Variants in SND1 observed in about 807,000 individuals in gnomAD.
SND1 encodes the protein staphylococcal nuclease domain-containing protein 1.
In SND1, 38 loss-of-function variants were observed where a neutral mutation model predicts 121.7. The observed-to-expected ratio is 0.31, with a 90% CI of 0.24 to 0.41. The LOEUF is 0.41. Ranked by LOEUF, SND1 falls within the 10% of genes least tolerant of loss-of-function variation. The pLI is 1.00. For missense variants in SND1, 868 were observed against 1,184.6 expected (o/e 0.73, Z 3.92); for synonymous variants, 401 against 447.4 (o/e 0.90, Z 1.31).
rs772182670 is a variant in SND1, at chr7:128,029,884, G to T, written c.1779+38828G>T. Reference sequence around the variant, plus strand: ...GCATTCCGCTCAATCAGGCTGACCTGTGAGTTCATGACCCAGAGCTTCTTG... The same window carrying T: ...GCATTCCGCTCAATCAGGCTGACCTTTGAGTTCATGACCCAGAGCTTCTTG... On this transcript the variant is annotated intron_variant, in intron 16 of 23. Coordinates refer to ENST00000354725, the MANE Select transcript of SND1 (RefSeq NM_014390.4). The surrounding 1 kb of genome is among the most constrained non-coding windows in gnomAD (Gnocchi z 4.2). 6.2e-7 allele frequency: 1 copy of T among 1,613,250 alleles called. No homozygotes were observed. The highest frequency in any genetic ancestry group is 1.3e-5 in the African/African-American group (1 of 74,934).
intron 14 of SND1, among the ~76,000 whole-genome samples, chr7:127,908,318 A>ATGTGTGTGTGTGTGTG: frequency 7.2e-6 from 1 of 138,484 alleles, no homozygotes; most frequent in South Asian, 2.4e-4. Flanking sequence ...ATAATAATAA[A>ATGTGTGTGTGTGTGTG]TGTGTGTGTG....
At chr7:127,772,784 T>G (rs935076411) in intron 10 of SND1, among the ~76,000 whole-genome samples, 1 of 152,210 alleles carries the variant, frequency 6.6e-6, no homozygotes, top group Non-Finnish European at 1.5e-5. Flanking sequence ...AACAGTGACA[T>G]TTGTTTGATA....
chr7:127,789,133 A>G (rs1254897439), intron 10 of SND1, among the ~76,000 whole-genome samples: 1 of 152,154 alleles, frequency 6.6e-6, no homozygotes, highest in Admixed American at 6.5e-5. Flanking sequence ...TCTGCCTACT[A>G]TCTACCCCTC....
intron 14 of SND1, among the ~76,000 whole-genome samples, chr7:127,918,474 A>G (rs1378402727): frequency 1.3e-5 from 2 of 152,212 alleles, no homozygotes; most frequent in East Asian, 3.8e-4. Flanking sequence ...TGAAAAGGAT[A>G]GAAATTATCT....
At chr7:127,888,224 A>G (rs1799947084) in intron 13 of SND1, among the ~76,000 whole-genome samples, 1 of 152,098 alleles carries the variant, frequency 6.6e-6, no homozygotes, top group Non-Finnish European at 1.5e-5. Context: ...ATTTTAAAAA[A>G]TATGTAAAAT....
intron 1 of SND1, among the ~76,000 whole-genome samples, chr7:127,661,741 G>A (rs1587575899): frequency 6.6e-6 from 1 of 152,218 alleles, no homozygotes; most frequent in South Asian, 2.1e-4. Context: ...ATGTCATCCA[G>A]TGTTAGTAAT....
At chr7:127,714,743 CA>C (rs904402600) in intron 9 of SND1, among the ~76,000 whole-genome samples, 1 of 152,204 alleles carries the variant, frequency 6.6e-6, no homozygotes, top group African/African-American at 2.4e-5. Flanking sequence ...TGAAATCAGA[CA>C]GTCTGTGTCT....
At chr7:127,942,439 C>A (rs1801234879) in intron 15 of SND1, among the ~76,000 whole-genome samples, 1 of 152,140 alleles carries the variant, frequency 6.6e-6, no homozygotes, top group Non-Finnish European at 1.5e-5. Context: ...AGAACTGAAT[C>A]AGAAATGCAC....
intron 10 of SND1, among the ~76,000 whole-genome samples, chr7:127,731,055 A>G (rs1268959349): frequency 6.6e-6 from 1 of 152,250 alleles, no homozygotes; most frequent in East Asian, 1.9e-4. Context: ...AACGACTGGC[A>G]TGCGGAAGCG....
chr7:127,776,222 G>A (rs1797618031), intron 10 of SND1, among the ~76,000 whole-genome samples: 1 of 152,118 alleles, frequency 6.6e-6, no homozygotes, highest in African/African-American at 2.4e-5. Context: ...ATGAGATGGG[G>A]CACCAATCAC....
Position 128,029,361 on chromosome 7 carries a change from G to A in SND1, c.1779+38305G>A. On this transcript the variant is annotated intron_variant, in intron 16 of 23. Coordinates refer to ENST00000354725, the MANE Select transcript of SND1 (RefSeq NM_014390.4). The surrounding 1 kb of genome is among the most constrained non-coding windows in gnomAD (Gnocchi z 4.2). ...GGCGTTGGAGTTGCCTGCAACATTG[G>A]TCACCATGCATGTGTACACCCCAGT... 6.2e-7 allele frequency: 1 copy of A among 1,614,184 alleles called. No individual in the cohort carries two copies. Among genetic ancestry groups the A allele is most frequent in the South Asian group, 1.1e-5 (1 of 91,084 alleles).
chr7:127,879,086 G>A (rs1417673906), intron 12 of SND1, among the ~76,000 whole-genome samples: 1 of 152,186 alleles, frequency 6.6e-6, no homozygotes, highest in Admixed American at 6.5e-5. Flanking sequence ...GAAGTTCCCT[G>A]TTAGTTTCTA....
intron 16 of SND1, among the ~76,000 whole-genome samples, chr7:128,054,671 T>A (rs1483794351): frequency 2.0e-5 from 3 of 152,194 alleles, no homozygotes; most frequent in Non-Finnish European, 2.9e-5. Flanking sequence ...GGCTCCTCTA[T>A]CCCCAGGCTG....
intron 15 of SND1, among the ~76,000 whole-genome samples, chr7:127,952,656 C>G (rs1221633545): frequency 6.6e-6 from 1 of 152,192 alleles, no homozygotes; most frequent in African/African-American, 2.4e-5. Flanking sequence ...GTGCTTGTAA[C>G]TCATTTTTGA....
intron 14 of SND1, among the ~76,000 whole-genome samples, chr7:127,927,857 G>C (rs921782239): frequency 5.9e-5 from 9 of 152,294 alleles, no homozygotes; most frequent in African/African-American, 2.2e-4. Flanking sequence ...TAGAAGAAGA[G>C]TCAAAAAGGA....
intron 14 of SND1, among the ~76,000 whole-genome samples, chr7:127,905,412 T>C (rs1241421597): frequency 6.6e-6 from 1 of 152,226 alleles, no homozygotes; most frequent in African/African-American, 2.4e-5. Flanking sequence ...TTTGAATGTT[T>C]AGGGTCTCTT....
chr7:127,663,271 G>A (rs1362011184), intron 1 of SND1, among the ~76,000 whole-genome samples: 1 of 151,628 alleles, frequency 6.6e-6, no homozygotes, highest in Non-Finnish European at 1.5e-5. Context: ...ATATTTTATT[G>A]TTTTAAAATT....
In SND1 at chr7:127,782,301, CA is replaced by C. The variant is rs1460451647; in HGVS notation, c.1153-25181del. ...AGTTAATTTAATAGGATCCTAATCACAATAGTGGTTTCTGTGATATATGTGC... is the reference window on the plus strand; with the variant it reads ...AGTTAATTTAATAGGATCCTAATCACATAGTGGTTTCTGTGATATATGTGC... On this transcript the variant is annotated intron_variant, in intron 10 of 23. Coordinates refer to ENST00000354725, the MANE Select transcript of SND1 (RefSeq NM_014390.4). Among the ~76,000 whole-genome samples the C allele has an allele frequency of 5.9e-5, 9 of 152,294 alleles. No individual in the cohort carries two copies. The East Asian group carries it at 1.5e-3, about 26-fold the overall frequency.
At chr7:127,883,713 A>G (rs1435859416) in intron 12 of SND1, among the ~76,000 whole-genome samples, 3 of 152,162 alleles carry the variant, frequency 2.0e-5, no homozygotes, top group Non-Finnish European at 4.4e-5. Context: ...CAAGAAAACG[A>G]TCTAGTTCAG....
Sources: allele counts gnomAD v4.1 joint callset (sites outside exome capture counted in the v4.1 genomes callset), GRCh38; gene constraint gnomAD v4.1.1; non-coding constraint Gnocchi (gnomAD v3.1); transcripts MANE v1.5; gene names NCBI Gene and HGNC (gene_info 2026-07-23, HGNC 2026-07-21).